ZCWPW2: variants seen among roughly 807,000 people sequenced by gnomAD.
The protein encoded by ZCWPW2 is zinc finger CW-type PWWP domain protein 2.
Under a neutral mutation model 46.6 loss-of-function variants are expected in ZCWPW2, and 45 were observed. That is an observed-to-expected ratio of 0.96 (90% confidence interval 0.76 to 1.24). The LOEUF (loss-of-function observed/expected upper bound fraction) is 1.24, where lower values mean the gene tolerates loss of function less well. Among genes scored for constraint, ZCWPW2 ranks in the 50% most tolerant of loss-of-function variants. The probability of loss-of-function intolerance (pLI) is 0.00; values close to 1 mark genes in which losing one functional copy is unlikely to be tolerated. For synonymous variants in ZCWPW2, 152 were observed against 137.1 expected (o/e 1.11, Z -0.76); for missense variants, 429 against 403.9 (o/e 1.06, Z -0.53).
chr3:28,359,514 G>T (rs1704860036), intron 1 of ZCWPW2, among the ~76,000 whole-genome samples: 1 of 151,946 alleles, frequency 6.6e-6, no homozygotes, highest in African/African-American at 2.4e-5. Context: ...GAAGAAAAGA[G>T]AAAAAGGCCT....
intron 3 of ZCWPW2, chr3:28,428,480 A>G (rs1326942344): frequency 6.6e-6 from 1 of 152,168 alleles, no homozygotes; most frequent in Non-Finnish European, 1.5e-5. Flanking sequence ...CCGTGCACCC[A>G]TGTCACCACA....
chr3:28,402,886 A>G (rs1047056941), intron 2 of ZCWPW2, among the ~76,000 whole-genome samples: 2 of 152,160 alleles, frequency 1.3e-5, no homozygotes, highest in Non-Finnish European at 2.9e-5. Flanking sequence ...TCAGCATACA[A>G]GGAGCAAAGT....
intron 3 of ZCWPW2, 67 bp downstream of exon 3, chr3:28,413,467 T>G: frequency 7.5e-7 from 1 of 1,325,062 alleles, no homozygotes; most frequent in Non-Finnish European, 1.0e-6. Context: ...ATTAAAAATC[T>G]TTTTGAAGAC....
chr3:28,495,360 C>A (rs1322320750), intron 6 of ZCWPW2, among the ~76,000 whole-genome samples: 2 of 152,058 alleles, frequency 1.3e-5, no homozygotes, highest in African/African-American at 4.8e-5. Flanking sequence ...TGAAGTAGTG[C>A]AGTATTGTTA....
chr3:28,519,864 T>C (rs923513448), intron 8 of ZCWPW2, among the ~76,000 whole-genome samples: 6 of 152,176 alleles, frequency 3.9e-5, no homozygotes, highest in African/African-American at 1.4e-4. Flanking sequence ...ATGAAAATGT[T>C]TGTTTTATTT....
chr3:28,400,389 T>C (rs774740569), intron 2 of ZCWPW2, among the ~76,000 whole-genome samples: 1 of 152,184 alleles, frequency 6.6e-6, no homozygotes, highest in Non-Finnish European at 1.5e-5. Context: ...AAGGAAAGCT[T>C]CTTCAGCCTT....
At chr3:28,461,062 T>A (rs1014904094) in intron 4 of ZCWPW2, 2 of 222,708 alleles carry the variant, frequency 9.0e-6, no homozygotes, top group Admixed American at 8.8e-5. Context: ...ACCAATGAAT[T>A]TTTGAAGCTC....
intron 6 of ZCWPW2, among the ~76,000 whole-genome samples, chr3:28,493,317 A>G (rs1200384443): frequency 1.5e-5 from 1 of 67,566 alleles, no homozygotes. Flanking sequence ...ACCCCACCAC[A>G]GTCCCCAGAG....
intron 1 of ZCWPW2, among the ~76,000 whole-genome samples, chr3:28,371,926 TTTTG>T (rs1441356580): frequency 1.3e-5 from 2 of 151,978 alleles, no homozygotes; most frequent in East Asian, 1.9e-4. Flanking sequence ...TCTTCTTCTC[TTTTG>T]TTTGTTCTTT....
At chr3:28,427,566 A>G (rs183405096) in intron 3 of ZCWPW2, among the ~76,000 whole-genome samples, 5 of 152,322 alleles carry the variant, frequency 3.3e-5, no homozygotes, top group African/African-American at 9.6e-5. Flanking sequence ...AAGATTTTCT[A>G]TAATTTAATA....
intron 4 of ZCWPW2, chr3:28,461,832 G>A (rs1698650035): frequency 6.6e-6 from 1 of 152,050 alleles, no homozygotes; most frequent in Admixed American, 6.6e-5. Context: ...AGAAAAATTA[G>A]GGGAAAACAA....
At chr3:28,430,992 T>C (rs1362489902) in intron 3 of ZCWPW2, among the ~76,000 whole-genome samples, 1 of 152,038 alleles carries the variant, frequency 6.6e-6, no homozygotes, top group Admixed American at 6.6e-5. Context: ...CTAATACAAG[T>C]AATAACTTTT....
chr3:28,452,481 A>G (rs984680115), intron 4 of ZCWPW2, among the ~76,000 whole-genome samples: 1 of 152,072 alleles, frequency 6.6e-6, no homozygotes, highest in Non-Finnish European at 1.5e-5. Flanking sequence ...GTTTTAGTAG[A>G]GACGGGGTTT....
At chr3:28,370,959 C>T (rs1013314273) in intron 1 of ZCWPW2, among the ~76,000 whole-genome samples, 5 of 151,950 alleles carry the variant, frequency 3.3e-5, no homozygotes, top group Admixed American at 2.0e-4. Context: ...CTTGAACTAC[C>T]AACCTCAGGT....
intron 1 of ZCWPW2, among the ~76,000 whole-genome samples, chr3:28,371,467 A>G (rs1705332671): frequency 6.6e-6 from 1 of 152,104 alleles, no homozygotes. Context: ...CTAAAGGCCA[A>G]GGAGTTACAC....
chr3:28,409,997 G>T (rs1170568543), intron 2 of ZCWPW2, among the ~76,000 whole-genome samples: 4 of 152,056 alleles, frequency 2.6e-5, no homozygotes, highest in Admixed American at 6.6e-5. Context: ...TAAAGGGATG[G>T]TAAAAGTTAT....
intron 8 of ZCWPW2, among the ~76,000 whole-genome samples, chr3:28,516,262 T>G (rs1490260840): frequency 2.2e-5 from 2 of 92,478 alleles, no homozygotes; most frequent in Non-Finnish European, 5.2e-5. Flanking sequence ...TCTCAATAAA[T>G]AAATAAATAA....
At chr3:28,506,766 T>C (rs949170739) in intron 6 of ZCWPW2, among the ~76,000 whole-genome samples, 2 of 152,104 alleles carry the variant, frequency 1.3e-5, no homozygotes, top group Non-Finnish European at 2.9e-5. Context: ...AGGAAACTAG[T>C]GTACTACCCA....
At chr3:28,413,586 C>T (rs776777149) in intron 3 of ZCWPW2, among the ~76,000 whole-genome samples, 186 bp downstream of exon 3, 2 of 151,814 alleles carry the variant, frequency 1.3e-5, no homozygotes, top group Non-Finnish European at 1.5e-5. Context: ...TAACTGAATT[C>T]GAATCTTATT....
Sources: gnomAD v4.1 joint callset for allele counts (sites outside exome capture counted in the v4.1 genomes callset) on GRCh38, gnomAD v4.1.1 for gene constraint, MANE v1.5 for transcripts, NCBI Gene and HGNC (gene_info 2026-07-23, HGNC 2026-07-21) for gene names.